Variants in TUB observed in about 807,000 individuals in gnomAD.
TUB encodes the protein TUB bipartite transcription factor.
In TUB, 33 loss-of-function variants were observed where a neutral mutation model predicts 59.7. That is an observed-to-expected ratio of 0.55 (90% confidence interval 0.42 to 0.74). The LOEUF is 0.74. Ranked by LOEUF, TUB falls within the 30% of genes least tolerant of loss-of-function variation. TUB has a pLI of 0.00. For synonymous variants in TUB, 293 were observed against 256.4 expected (o/e 1.14, Z -1.36); for missense variants, 659 against 672.0 (o/e 0.98, Z 0.21).
chr11:8,041,645 G>A (rs1021153723), intron 2 of TUB, among the ~76,000 whole-genome samples: 3 of 152,212 alleles, frequency 2.0e-5, no homozygotes, highest in African/African-American at 7.2e-5. Flanking sequence ...CACCATGTCT[G>A]TTCATAGAGA....
At chr11:8,033,693 G>T (rs575230499), upstream of TUB, among the ~76,000 whole-genome samples, 7 of 152,388 alleles carry the variant, frequency 4.6e-5, no homozygotes, top group Middle Eastern at 3.4e-3. Flanking sequence ...GATGGCAGAG[G>T]TGTTTGGTGG....
chr11:8,035,203 A>G (rs1942629437), upstream of TUB, among the ~76,000 whole-genome samples: 1 of 152,246 alleles, frequency 6.6e-6, no homozygotes, highest in African/African-American at 2.4e-5. Context: ...CAAAGCACAT[A>G]CAACAAAATC....
chr11:8,049,929 A>G (rs1418095486), intron 2 of TUB, among the ~76,000 whole-genome samples: 1 of 152,178 alleles, frequency 6.6e-6, no homozygotes, highest in African/African-American at 2.4e-5. Context: ...TCATGTTAAC[A>G]CTACCCAGAC....
rs2133932568 is a variant in TUB, at chr11:8,103,121, T to TA, written c.*1503dup. The TA allele has an allele frequency of 6.6e-6, 1 of 152,372 alleles. No homozygotes were observed. Among genetic ancestry groups the TA allele is most frequent in the South Asian group, 2.1e-4 (1 of 4,820 alleles). 9.4% of individuals were successfully genotyped at this position (152,372 alleles called of 1,614,324 possible). A position where few individuals can be genotyped will look rare whatever the true frequency, so the allele number is the denominator to read the frequency against. ...CTACTCAGCAGTAAGCAGGCCTTAG[T>TA]ACGGCTGCTGCACACTTCTCGGTCT... is the stretch of plus-strand genomic sequence containing the variant. On this transcript the variant is annotated 3_prime_UTR_variant, in exon 12 of 12. Transcript: ENST00000299506.
intron 1 of TUB, among the ~76,000 whole-genome samples, 193 bp from the exon 2 acceptor site, chr11:8,089,417 C>T (rs1002971529): frequency 2.6e-5 from 4 of 152,204 alleles, no homozygotes; most frequent in Admixed American, 1.3e-4. Context: ...AGTGGCAGCT[C>T]GAGCCCTTTT....
At chr11:8,039,158 C>T (rs1942699329) in intron 1 of TUB, 1 of 1,192,376 alleles carries the variant, frequency 8.4e-7, no homozygotes, top group African/African-American at 1.5e-5. Flanking sequence ...GCTCCCCTAT[C>T]ACCACGTGGA....
chr11:8,022,287 A>G (rs1368548296), intron 1 of TUB, among the ~76,000 whole-genome samples: 1 of 152,250 alleles, frequency 6.6e-6, no homozygotes, highest in Non-Finnish European at 1.5e-5. Flanking sequence ...AAACCATTAC[A>G]CAAGCAACAC....
chr11:8,101,297 T>C (rs1379728664), intron 11 of TUB, among the ~76,000 whole-genome samples, 189 bp from the exon 12 acceptor site: 2 of 151,976 alleles, frequency 1.3e-5, no homozygotes, highest in African/African-American at 2.4e-5. Context: ...CTTTGTCCTT[T>C]GCCATCTGCC....
At chr11:8,075,306 C>T (rs1463913531) in intron 2 of TUB, among the ~76,000 whole-genome samples, 1 of 152,224 alleles carries the variant, frequency 6.6e-6, no homozygotes, top group Non-Finnish European at 1.5e-5. Context: ...ATCTGGTTTT[C>T]TCTGGAGGAA....
At chr11:8,076,458 A>G (rs1447001746), upstream of TUB, 2 of 152,120 alleles carry the variant, frequency 1.3e-5, no homozygotes, top group Non-Finnish European at 2.9e-5. Flanking sequence ...CCCATTTTGT[A>G]TGCATTAGAG....
chr11:8,041,961 A>G (rs191009298), intron 2 of TUB, among the ~76,000 whole-genome samples: 367 of 152,228 alleles, frequency 2.4e-3, no homozygotes, highest in African/African-American at 7.9e-3. Context: ...AACTATTTCA[A>G]AGCTCTCACA....
chr11:8,089,488 C>T lies in TUB; in HGVS notation c.39-122C>T. The T allele has an allele frequency of 7.5e-6, 9 of 1,206,176 alleles. No homozygotes were observed. In the South Asian group the frequency reaches 9.3e-5, roughly 12 times the overall value. The allele number at this position is 1,206,176 out of a possible 1,614,324, so 74.7% of individuals were successfully genotyped here. On this transcript the variant is annotated intron_variant, in intron 1 of 11. Transcript: ENST00000299506. ...TTCCTCCTTCTACCATGTGGGCTCA[C>T]TGAGTCCCAGCAGCCGTGATGGGAT...
At chr11:8,069,859 T>C (rs1171172287) in intron 2 of TUB, among the ~76,000 whole-genome samples, 4 of 151,538 alleles carry the variant, frequency 2.6e-5, no homozygotes, top group Admixed American at 2.0e-4. Context: ...AAAACGGCCA[T>C]TGATTGAGAG....
At chr11:8,085,115 G>C (rs60510725) in intron 1 of TUB, among the ~76,000 whole-genome samples, 2 of 152,158 alleles carry the variant, frequency 1.3e-5, no homozygotes, top group East Asian at 3.9e-4. Context: ...CCTCCGAGGT[G>C]CCCTGGGCAC....
intron 6 of TUB, among the ~76,000 whole-genome samples, 162 bp from the exon 7 acceptor site, chr11:8,097,066 G>T (rs1944028817): frequency 6.6e-6 from 1 of 152,094 alleles, no homozygotes; most frequent in Admixed American, 6.5e-5. Flanking sequence ...GGCAGGGCTG[G>T]GAAGATAGCT....
chr11:8,038,138 A>G (rs1019326048), upstream of TUB, among the ~76,000 whole-genome samples: 6 of 152,200 alleles, frequency 3.9e-5, no homozygotes, highest in Non-Finnish European at 7.3e-5. Flanking sequence ...GTGAATGTTC[A>G]GACTCACAGG....
chr11:8,066,977 G>A (rs555372732), intron 2 of TUB, among the ~76,000 whole-genome samples: 3 of 152,166 alleles, frequency 2.0e-5, no homozygotes, highest in South Asian at 2.1e-4. Context: ...AGCCATCACC[G>A]TGTACAGATG....
intron 5 of TUB, 122 bp from the exon 6 acceptor site, chr11:8,096,563 G>C (rs1388456169): frequency 1.4e-6 from 1 of 728,316 alleles, no homozygotes; most frequent in Non-Finnish European, 2.5e-6. Context: ...CTAAGAGTGT[G>C]TGCATAAGTT....
intron 1 of TUB, among the ~76,000 whole-genome samples, chr11:8,083,619 C>A (rs1041161799): frequency 7.2e-5 from 11 of 152,102 alleles, no homozygotes; most frequent in African/African-American, 2.7e-4. Context: ...CACCGCCACC[C>A]CTCCAATTCC....
Sources: gnomAD v4.1 joint callset for allele counts (sites outside exome capture counted in the v4.1 genomes callset) on GRCh38, gnomAD v4.1.1 for gene constraint, MANE v1.5 for transcripts, NCBI Gene and HGNC (gene_info 2026-07-23, HGNC 2026-07-21) for gene names.